The following ANKS1B variants were observed in gnomAD, a reference collection of about 807,000 sequenced individuals.
ANKS1B encodes ankyrin repeat and sterile alpha motif domain-containing protein 1B.
ANKS1B carries 36 observed loss-of-function variants against 148.3 expected under a neutral mutation model. That is an observed-to-expected ratio of 0.24 (90% CI 0.19 to 0.32). ANKS1B has a LOEUF of 0.32. Among genes scored for constraint, ANKS1B ranks in the 10% least tolerant of loss-of-function variants. ANKS1B has a pLI of 1.00. For synonymous variants in ANKS1B, 542 were observed against 560.8 expected, an observed-to-expected ratio of 0.97 and a Z score of 0.47; for missense variants, 1,157 against 1,542.6, an observed-to-expected ratio of 0.75 and a Z score of 4.19.
At chr12:99,352,567 T>C (rs867033061) in intron 12 of ANKS1B, among the ~76,000 whole-genome samples, 1 of 152,048 alleles carries the variant, frequency 6.6e-6, no homozygotes, top group Non-Finnish European at 1.5e-5. Flanking sequence ...TGCCTTAACA[T>C]GCTTCCTTAT....
intron 9 of ANKS1B, among the ~76,000 whole-genome samples, chr12:99,617,850 T>TAGATAC (rs1230417126): frequency 2.0e-4 from 31 of 152,022 alleles, no homozygotes; most frequent in African/African-American, 7.5e-4. Context: ...TACATAAACA[T>TAGATAC]AGATACACAC....
intron 1 of ANKS1B, among the ~76,000 whole-genome samples, chr12:99,906,208 C>T (rs1314121281): frequency 6.6e-6 from 1 of 152,144 alleles, no homozygotes; most frequent in Non-Finnish European, 1.5e-5. Flanking sequence ...AAAGACATGT[C>T]AACCTAGACA....
intron 1 of ANKS1B, among the ~76,000 whole-genome samples, chr12:99,843,391 T>G (rs2086085555): frequency 6.6e-6 from 1 of 152,064 alleles, no homozygotes; most frequent in African/African-American, 2.4e-5. Context: ...CTATTCTTCT[T>G]GATGCTCTCC....
intron 9 of ANKS1B, among the ~76,000 whole-genome samples, chr12:99,524,106 T>G (rs2096903322): frequency 1.3e-5 from 2 of 152,178 alleles, no homozygotes; most frequent in South Asian, 4.1e-4. Flanking sequence ...TGAAAGTTTT[T>G]GGAAGTGGTC....
At chr12:98,812,770 C>G (rs190721955) in intron 19 of ANKS1B, among the ~76,000 whole-genome samples, 2 of 152,186 alleles carry the variant, frequency 1.3e-5, no homozygotes, top group East Asian at 3.9e-4. Flanking sequence ...TATGGGGTTT[C>G]ACCATGTTGC....
intron 1 of ANKS1B, among the ~76,000 whole-genome samples, chr12:99,828,653 A>C (rs1303631557): frequency 6.6e-6 from 1 of 152,200 alleles, no homozygotes; most frequent in Non-Finnish European, 1.5e-5. Flanking sequence ...AAAGATAATG[A>C]ATGTAAGAAC....
intron 10 of ANKS1B, among the ~76,000 whole-genome samples, chr12:99,501,693 G>A (rs1204006618): frequency 6.6e-6 from 1 of 152,168 alleles, no homozygotes; most frequent in Non-Finnish European, 1.5e-5. Flanking sequence ...TGGACAGGCT[G>A]TGTAGATATT....
intron 12 of ANKS1B, among the ~76,000 whole-genome samples, chr12:99,355,358 C>CA (rs1020715592): frequency 2.0e-5 from 3 of 152,098 alleles, no homozygotes; most frequent in African/African-American, 7.2e-5. Flanking sequence ...TTCAGATCTG[C>CA]AATTTGAAGT....
intron 17 of ANKS1B, among the ~76,000 whole-genome samples, chr12:99,028,993 A>C (rs1022184682): frequency 1.3e-5 from 2 of 152,236 alleles, no homozygotes; most frequent in Non-Finnish European, 2.9e-5. Flanking sequence ...AAGTTCATTA[A>C]TAAAAAGTTT....
chr12:99,818,927 T>C (rs1369513032), intron 2 of ANKS1B, among the ~76,000 whole-genome samples: 2 of 151,776 alleles, frequency 1.3e-5, no homozygotes, highest in Non-Finnish European at 3.0e-5. Context: ...ATTAAATAAA[T>C]TGGGAAGAGT....
At chr12:99,483,571 T>C (rs1215058159) in intron 10 of ANKS1B, among the ~76,000 whole-genome samples, 1 of 152,006 alleles carries the variant, frequency 6.6e-6, no homozygotes, top group African/African-American at 2.4e-5. Flanking sequence ...GTAGGATTGG[T>C]ACCAATTCTC....
At chr12:99,644,513 T>C (rs1003036235) in intron 9 of ANKS1B, among the ~76,000 whole-genome samples, 41 of 152,216 alleles carry the variant, frequency 2.7e-4, no homozygotes, top group African/African-American at 9.9e-4. Flanking sequence ...ATTAGCGGCA[T>C]CTTTAATGTC....
At chr12:99,980,505 C>T (rs867380401) in intron 1 of ANKS1B, among the ~76,000 whole-genome samples, 24 of 151,948 alleles carry the variant, frequency 1.6e-4, no homozygotes, top group Non-Finnish European at 2.7e-4. Flanking sequence ...CTTCTTGTAA[C>T]CTGCTGTCCT....
At chr12:99,788,891 G>A (rs1352914209) in intron 4 of ANKS1B, among the ~76,000 whole-genome samples, 1 of 152,144 alleles carries the variant, frequency 6.6e-6, no homozygotes, top group Non-Finnish European at 1.5e-5. Flanking sequence ...GTGGAAAAGG[G>A]AAGAAAGAGT....
chr12:99,689,715 G>C (rs2153500937), intron 8 of ANKS1B, among the ~76,000 whole-genome samples: 1 of 152,288 alleles, frequency 6.6e-6, no homozygotes, highest in East Asian at 1.9e-4. Context: ...CATGTGGCTA[G>C]AATCTGAGAC....
chr12:99,204,761 C>T lies in ANKS1B; in HGVS notation c.2419+39581G>A, dbSNP rs567088051. Among the ~76,000 whole-genome samples, 8 of 152,268 alleles carry T rather than the reference C, an allele frequency of 5.3e-5. No individual in the cohort carries two copies. In the East Asian group the frequency reaches 1.5e-3, roughly 29 times the overall value. On this transcript the variant is annotated intron_variant, in intron 14 of 26. Transcript: ENST00000683438. Reference sequence around the variant, plus strand: ...AGTGCTTGACTTTGATAAGCCGTTGCTAAGGCAAAGAAACTCCTAAAGCCT... The same window carrying T: ...AGTGCTTGACTTTGATAAGCCGTTGTTAAGGCAAAGAAACTCCTAAAGCCT...
chr12:99,060,491 A>G (rs1422102932), intron 16 of ANKS1B, among the ~76,000 whole-genome samples: 1 of 152,122 alleles, frequency 6.6e-6, no homozygotes, highest in Non-Finnish European at 1.5e-5. Context: ...CTCGGCTTTA[A>G]AAAGAAATGT....
At chr12:99,849,542 A>G (rs1405277318) in intron 1 of ANKS1B, among the ~76,000 whole-genome samples, 3 of 152,154 alleles carry the variant, frequency 2.0e-5, no homozygotes, top group Admixed American at 1.3e-4. Context: ...ATTCTTACCT[A>G]TGTTCACTAA....
chr12:98,818,809 C>G (rs1485339499), intron 19 of ANKS1B, among the ~76,000 whole-genome samples: 2 of 152,096 alleles, frequency 1.3e-5, no homozygotes, highest in Non-Finnish European at 2.9e-5. Flanking sequence ...AACTGGAGCC[C>G]GACTGTTTGT....
Sources: gnomAD v4.1 joint callset for allele counts (sites outside exome capture counted in the v4.1 genomes callset) on GRCh38, gnomAD v4.1.1 for gene constraint, MANE v1.5 for transcripts, NCBI Gene and HGNC (gene_info 2026-07-23, HGNC 2026-07-21) for gene names.